CSMD3: variants seen among roughly 807,000 people sequenced by gnomAD.
The protein encoded by CSMD3 is CUB and sushi domain-containing protein 3.
In CSMD3, 177 loss-of-function variants were observed where a neutral mutation model predicts 435.2. That is an observed-to-expected ratio of 0.41 (90% CI 0.36 to 0.46). CSMD3 has a LOEUF of 0.46. Among genes scored for constraint, CSMD3 ranks in the 20% least tolerant of loss-of-function variants. The pLI is 0.34. For missense variants in CSMD3, 4,265 were observed against 4,504.6 expected (o/e 0.95, Z 1.52); for synonymous variants, 1,656 against 1,520.5 (o/e 1.09, Z -2.07).
intron 32 of CSMD3, among the ~76,000 whole-genome samples, chr8:112,433,814 G>T (rs1405476906): frequency 6.6e-6 from 1 of 151,854 alleles, no homozygotes; most frequent in African/African-American, 2.4e-5. Context: ...TGTATTTAGT[G>T]AGTTAAAAAG....
intron 17 of CSMD3, among the ~76,000 whole-genome samples, chr8:112,659,721 T>C (rs1329057624): frequency 6.6e-6 from 1 of 152,150 alleles, no homozygotes; most frequent in Non-Finnish European, 1.5e-5. Context: ...AGAGTAAGAA[T>C]TGTTAAATGT....
intron 10 of CSMD3, among the ~76,000 whole-genome samples, chr8:112,879,767 G>T: frequency 6.6e-6 from 1 of 152,058 alleles, no homozygotes; most frequent in East Asian, 1.9e-4. Context: ...TCCCCTGAGA[G>T]CTGGGACATC....
intron 1 of CSMD3, among the ~76,000 whole-genome samples, chr8:113,329,204 A>AAAATAAATAAAT (rs60369800): frequency 0.56 from 80,514 of 143,678 alleles, 23,012 homozygotes; most frequent in East Asian, 0.8. Flanking sequence ...TTAAAGAATG[A>AAAATAAATAAAT]AAATAAATAA....
chr8:113,068,835 C>T (rs1166387341), intron 5 of CSMD3, among the ~76,000 whole-genome samples: 7 of 151,836 alleles, frequency 4.6e-5, no homozygotes, highest in East Asian at 1.9e-4. Flanking sequence ...GATGTTCTTG[C>T]TATTTTTTCT....
intron 4 of CSMD3, among the ~76,000 whole-genome samples, chr8:113,164,212 T>C (rs2092104296): frequency 6.6e-6 from 1 of 151,992 alleles, no homozygotes; most frequent in African/African-American, 2.4e-5. Context: ...TTTTCTTTTA[T>C]TATAGTTTGC....
At chr8:112,535,326 C>G (rs568724723) in intron 27 of CSMD3, among the ~76,000 whole-genome samples, 193 of 152,298 alleles carry the variant, frequency 1.3e-3, no homozygotes, top group Non-Finnish European at 1.7e-3. Context: ...GGCAAAGTCT[C>G]AGGATACAAA....
chr8:112,671,495 T>C (rs181862442), intron 16 of CSMD3, among the ~76,000 whole-genome samples: 114 of 152,278 alleles, frequency 7.5e-4, no homozygotes, highest in African/African-American at 2.7e-3. Flanking sequence ...CTCACCCCAA[T>C]GCTTAAAAAC....
chr8:112,574,803 A>C (rs1225175564), intron 23 of CSMD3, among the ~76,000 whole-genome samples: 1 of 151,942 alleles, frequency 6.6e-6, no homozygotes, highest in African/African-American at 2.4e-5. Flanking sequence ...AACAATAACA[A>C]CAAGAAAAAT....
At chr8:112,327,611 C>G (rs1294522839) in intron 45 of CSMD3, among the ~76,000 whole-genome samples, 1 of 152,118 alleles carries the variant, frequency 6.6e-6, no homozygotes, top group African/African-American at 2.4e-5. Context: ...TAAAAATACA[C>G]ATTGGAACTA....
intron 4 of CSMD3, among the ~76,000 whole-genome samples, chr8:113,133,104 A>G (rs1464347624): frequency 2.0e-5 from 3 of 152,166 alleles, no homozygotes; most frequent in Non-Finnish European, 4.4e-5. Context: ...TTGTGAATCA[A>G]AAGGGACAAT....
At chr8:112,664,481 A>G (rs996329954) in intron 17 of CSMD3, among the ~76,000 whole-genome samples, 2 of 152,208 alleles carry the variant, frequency 1.3e-5, no homozygotes, top group African/African-American at 4.8e-5. Flanking sequence ...ATGTAAACCA[A>G]TAAATAGGGG....
In CSMD3 at chr8:112,337,425, C is replaced by A. The variant is rs1824681282; in HGVS notation, c.6841+118G>T. The stretch of plus-strand genomic sequence containing the variant: ...GCCTTAGGGGTTTAAAAAATATCTT[C>A]AGCTGAGAGACTATATATTTAGCAT... On this transcript the variant is annotated intron_variant, in intron 43 of 70. Transcript: ENST00000297405. 5.0e-6 allele frequency: 4 copies of A among 800,274 alleles called. No homozygotes were observed. In the Admixed American group the frequency reaches 8.0e-5, roughly 16 times the overall value. The allele number at this position is 800,274 out of a possible 1,614,324, so 49.6% of individuals were successfully genotyped here. A position where few individuals can be genotyped will look rare whatever the true frequency, so the allele number is the denominator to read the frequency against.
rs138984158 is a variant in CSMD3, at chr8:113,265,600, G to A, written c.514+12992C>T. On this transcript the variant is annotated intron_variant, in intron 3 of 70. Coordinates refer to ENST00000297405, the MANE Select transcript of CSMD3 (RefSeq NM_198123.2). ...ATTTATACCTTCCTGGATAAAATAT[G>A]TAAAATGACTAGAAAATTAATAAAT... is the stretch of plus-strand genomic sequence containing the variant. Among the ~76,000 whole-genome samples, 657 of 151,660 alleles carry A rather than the reference G, an allele frequency of 4.3e-3. 2 individuals are homozygous for A. Among genetic ancestry groups the A allele is most frequent in the Non-Finnish European group, 6.8e-3 (462 of 67,616 alleles).
At chr8:113,421,958 A>G (rs1410103567) in intron 1 of CSMD3, among the ~76,000 whole-genome samples, 1 of 152,166 alleles carries the variant, frequency 6.6e-6, no homozygotes, top group African/African-American at 2.4e-5. Context: ...AGACAACTTT[A>G]TTTTACAGCA....
At chr8:113,071,997 A>G (rs1343564372) in intron 5 of CSMD3, among the ~76,000 whole-genome samples, 3 of 151,730 alleles carry the variant, frequency 2.0e-5, no homozygotes, top group Non-Finnish European at 3.0e-5. Flanking sequence ...TCATAAACAT[A>G]ATTTTAGTGT....
intron 49 of CSMD3, among the ~76,000 whole-genome samples, chr8:112,313,599 T>C (rs1396241466): frequency 6.6e-6 from 1 of 152,102 alleles, no homozygotes; most frequent in Non-Finnish European, 1.5e-5. Flanking sequence ...TCCTAAATGC[T>C]TTTTTAGGAT....
At chr8:112,569,100 A>G (rs1281342958) in intron 24 of CSMD3, among the ~76,000 whole-genome samples, 1 of 152,204 alleles carries the variant, frequency 6.6e-6, no homozygotes, top group Non-Finnish European at 1.5e-5. Flanking sequence ...AGGGTATCTT[A>G]CAGGGATTCC....
At chr8:112,783,042 A>G (rs80026243) in intron 13 of CSMD3, among the ~76,000 whole-genome samples, 2,099 of 152,182 alleles carry the variant, frequency 0.014, 47 homozygotes, top group African/African-American at 0.048. Context: ...CAGATAAAAA[A>G]GAAAAACACG....
intron 1 of CSMD3, among the ~76,000 whole-genome samples, chr8:113,386,389 C>A (rs888621783): frequency 6.6e-6 from 1 of 151,870 alleles, no homozygotes; most frequent in Non-Finnish European, 1.5e-5. Flanking sequence ...AAATATATGT[C>A]ACTAAGTAAG....
Sources: allele counts gnomAD v4.1 joint callset (sites outside exome capture counted in the v4.1 genomes callset), GRCh38; gene constraint gnomAD v4.1.1; transcripts MANE v1.5; gene names NCBI Gene and HGNC (gene_info 2026-07-23, HGNC 2026-07-21).